The following CYP4F22 variants were observed in gnomAD, a reference collection of about 807,000 sequenced individuals.
CYP4F22 encodes ultra-long-chain fatty acid omega-hydroxylase.
CYP4F22 carries 37 observed loss-of-function variants against 60.4 expected under a neutral mutation model. The ratio of observed to expected loss-of-function variants is 0.61; its 90% CI spans 0.47 to 0.81. The LOEUF is 0.81. Among genes scored for constraint, CYP4F22 ranks in the 30% least tolerant of loss-of-function variants. The pLI is 0.00. For synonymous variants in CYP4F22, 258 were observed against 280.5 expected (o/e 0.92, Z 0.80); for missense variants, 655 against 715.0 (o/e 0.92, Z 0.96).
At chr19:15,529,044 G>A (rs1055071375) in intron 3 of CYP4F22, among the ~76,000 whole-genome samples, 2 of 152,016 alleles carry the variant, frequency 1.3e-5, no homozygotes, top group African/African-American at 4.8e-5. Flanking sequence ...CCCAAGCTCA[G>A]GTGGTCCTCC....
Position 15,529,814 on chromosome 19 carries a change from G to A in CYP4F22, c.328G>A (p.Val110Met). 1 of 1,614,132 alleles carries A rather than the reference G, an allele frequency of 6.2e-7. No individual in the cohort carries two copies. The highest frequency in any genetic ancestry group is 1.1e-5 in the South Asian group (1 of 91,088). Residue 110 changes from valine to methionine, a missense_variant, in exon 4 of 14, where the codon GTG (valine) becomes ATG (methionine). Val to Met is a conservative substitution (Grantham distance 21, BLOSUM62 1). This residue lies in a region of CYP4F22 where 430 missense variants were observed against 457.1 expected (regional missense o/e 0.94). Transcript: ENST00000269703. ...ACCTGTCCTGCCGCTGTTGGTTCTG[G>A]TGCACCCTGATTACATCAAACCCCT... is the stretch of plus-strand genomic sequence containing the variant. ...MGPVLPLLVL[V>M]HPDYIKPLLG...
intron 1 of CYP4F22, among the ~76,000 whole-genome samples, chr19:15,517,484 C>T (rs1971169725): frequency 6.6e-6 from 1 of 152,198 alleles, no homozygotes; most frequent in South Asian, 2.1e-4. Flanking sequence ...CTCTCTCACC[C>T]TCCCCAAGCA....
intron 10 of CYP4F22, among the ~76,000 whole-genome samples, chr19:15,546,730 TTC>T (rs1971530355): frequency 6.6e-6 from 1 of 152,136 alleles, no homozygotes; most frequent in Non-Finnish European, 1.5e-5. Flanking sequence ...CACTTTTCTT[TTC>T]TTTCTTTTTT....
At chr19:15,526,734 G>C (rs1358858502) in intron 3 of CYP4F22, among the ~76,000 whole-genome samples, 1 of 151,580 alleles carries the variant, frequency 6.6e-6, no homozygotes, top group Non-Finnish European at 1.5e-5. Flanking sequence ...AGATGAGATA[G>C]GCTAGACTTT....
chr19:15,513,750 C>T (rs1020457035), intron 1 of CYP4F22, among the ~76,000 whole-genome samples: 4 of 151,822 alleles, frequency 2.6e-5, no homozygotes, highest in Non-Finnish European at 4.4e-5. Context: ...ATCCGCACCC[C>T]CCTCGGTCTC....
chr19:15,521,705 A>G (rs1447089116), intron 1 of CYP4F22, among the ~76,000 whole-genome samples: 2 of 150,032 alleles, frequency 1.3e-5, no homozygotes, highest in Non-Finnish European at 3.0e-5. Context: ...GGATCTCCCT[A>G]TGTCACCCAG....
At chr19:15,512,221 G>A (rs948963589) in intron 1 of CYP4F22, among the ~76,000 whole-genome samples, 2 of 152,202 alleles carry the variant, frequency 1.3e-5, no homozygotes, top group Non-Finnish European at 2.9e-5. Context: ...ATTGGCAAAG[G>A]GAGGCTGATG....
At chr19:15,543,242 C>T (rs745423725) in intron 8 of CYP4F22, among the ~76,000 whole-genome samples, 2 of 152,172 alleles carry the variant, frequency 1.3e-5, no homozygotes, top group Non-Finnish European at 2.9e-5. Flanking sequence ...CTCTGTCACA[C>T]AGGCTGGGGT....
At chr19:15,551,259 AAGCTGGGCCT>A (rs1464751526) in intron 13 of CYP4F22, 25 bp from the exon 14 acceptor site, 2 of 1,599,066 alleles carry the variant, frequency 1.3e-6, no homozygotes, top group Non-Finnish European at 1.7e-6. Flanking sequence ...GCTCACACAG[AAGCTGGGCCT>A]GAGCCCTGTC....
intron 4 of CYP4F22, among the ~76,000 whole-genome samples, chr19:15,535,904 G>C (rs1971389539): frequency 1.3e-5 from 2 of 152,228 alleles, no homozygotes; most frequent in Admixed American, 1.3e-4. Context: ...ATACAATCCA[G>C]AGTGACTGCT....
At chr19:15,550,445 C>A (rs765585036) in intron 12 of CYP4F22, among the ~76,000 whole-genome samples, 13 of 152,164 alleles carry the variant, frequency 8.5e-5, no homozygotes, top group Non-Finnish European at 1.9e-4. Context: ...CTGTTCTAGG[C>A]AGAGGAAACA....
rs747628875 is a variant in CYP4F22, at chr19:15,551,327, G to C, written c.1452G>C (p.Glu484Asp). 5 of 1,613,368 alleles carry C rather than the reference G, an allele frequency of 3.1e-6. No homozygotes were observed. The Admixed American group carries it at 6.7e-5, about 22-fold the overall frequency. ...NCIGQSFAMA[E>D]LRVVVALTLL... ...TCGGACAGAGCTTCGCCATGGCCGA[G>C]TTGCGCGTGGTTGTGGCACTAACAC... The change falls in exon 14 of 14, where the codon GAG becomes GAC. Residue 484 changes from glutamate (E) to aspartate (D), a missense_variant. Around this residue, in one of 3 missense-constraint regions of CYP4F22, gnomAD observed 151 missense variants for 139.4 expected, o/e 1.08. Transcript: ENST00000269703.
intron 8 of CYP4F22, 107 bp downstream of exon 8, chr19:15,540,824 C>T (rs937097119): frequency 1.5e-4 from 213 of 1,416,824 alleles, no homozygotes; most frequent in East Asian, 6.9e-4. Flanking sequence ...GTGGCTCACA[C>T]GTGTAATCCC....
At chr19:15,530,658 G>A (rs1383126779) in intron 4 of CYP4F22, among the ~76,000 whole-genome samples, 1 of 152,088 alleles carries the variant, frequency 6.6e-6, no homozygotes, top group East Asian at 1.9e-4. Flanking sequence ...ATGGCGGAAG[G>A]GGAAGCAAAC....
rs1971270895 is a variant in CYP4F22, at chr19:15,525,413, C to T, written c.77C>T (p.Thr26Ile). 6.2e-7 allele frequency: 1 copy of T among 1,614,050 alleles called. No homozygotes were observed. The highest frequency in any genetic ancestry group is 1.3e-5 in the African/African-American group (1 of 74,922). Reference protein sequence around the residue: ...KTAFRIYAVSTLLLFLLFFLF... With the variant: ...KTAFRIYAVSILLLFLLFFLF... ...GCGTTCCGCATATACGCGGTGTCCA[C>T]CCTTCTCCTCTTCCTGCTCTTCTTC... Residue 26 changes from threonine (T) to isoleucine (I), a missense_variant, in exon 3 of 14, where the codon ACC (threonine) becomes ATC (isoleucine). Thr to Ile is a moderately conservative substitution (Grantham distance 89). Around this residue, in one of 3 missense-constraint regions of CYP4F22, gnomAD observed 430 missense variants for 457.1 expected, o/e 0.94. Transcript: ENST00000269703.
chr19:15,541,456 T>C (rs1261074223), intron 8 of CYP4F22, among the ~76,000 whole-genome samples: 1 of 151,846 alleles, frequency 6.6e-6, no homozygotes, highest in African/African-American at 2.4e-5. Context: ...CATTTTGTCT[T>C]GATTACTTCT....
intron 13 of CYP4F22, 71 bp from the exon 14 acceptor site, chr19:15,551,223 G>A: frequency 6.4e-7 from 1 of 1,555,168 alleles, no homozygotes; most frequent in Non-Finnish European, 8.7e-7. Flanking sequence ...ATTTTCAAAG[G>A]AGGCATGTGA....
At chr19:15,537,092 A>C (rs529658050) in intron 4 of CYP4F22, among the ~76,000 whole-genome samples, 49 of 152,220 alleles carry the variant, frequency 3.2e-4, no homozygotes, top group African/African-American at 1.1e-3. Context: ...TGAGGTTAGG[A>C]GTTCGAGACC....
At chr19:15,537,306 A>T in intron 4 of CYP4F22, 55 bp from the exon 5 acceptor site, 1 of 1,611,074 alleles carries the variant, frequency 6.2e-7, no homozygotes, top group South Asian at 1.1e-5. Context: ...GTAAAAAAAA[A>T]CAAAAAACCA....
Sources: allele counts gnomAD v4.1 joint callset (sites outside exome capture counted in the v4.1 genomes callset), GRCh38; gene constraint gnomAD v4.1.1; regional missense constraint gnomAD v4.1.1; transcripts MANE v1.5; gene names NCBI Gene and HGNC (gene_info 2026-07-23, HGNC 2026-07-21).